The following SMG1 variants were observed in gnomAD, a reference collection of about 807,000 sequenced individuals.
SMG1 encodes the protein SMG1 nonsense mediated mRNA decay associated PI3K related kinase, also known as serine/threonine-protein kinase SMG1.
A neutral mutation model predicts 419.9 loss-of-function variants in SMG1; 22 were observed. That is an observed-to-expected ratio of 0.05 (90% confidence interval 0.04 to 0.07). The LOEUF is 0.07. Ranked by LOEUF, SMG1 falls within the 10% of genes least tolerant of loss-of-function variation. SMG1 has a pLI of 1.00. For missense variants in SMG1, 3,185 were observed against 4,342.0 expected, an observed-to-expected ratio of 0.73 and a Z score of 7.49; for synonymous variants, 1,538 against 1,553.5, an observed-to-expected ratio of 0.99 and a Z score of 0.23.
At chr16:18,855,001 G>C in intron 29 of SMG1, 97 bp from the exon 30 acceptor site, 2 of 939,692 alleles carry the variant, frequency 2.1e-6, no homozygotes, top group Non-Finnish European at 3.0e-6. Flanking sequence ...TCCCTCTTCT[G>C]CACCACCTCC....
chr16:18,827,360 A>G (rs2032763168), intron 55 of SMG1, among the ~76,000 whole-genome samples: 2 of 151,334 alleles, frequency 1.3e-5, no homozygotes, highest in African/African-American at 4.9e-5. Flanking sequence ...CGAGAGGCAG[A>G]GGTTGCAGTG....
intron 1 of SMG1, among the ~76,000 whole-genome samples, chr16:18,915,792 G>A (rs569601316): frequency 6.6e-6 from 1 of 152,204 alleles, no homozygotes; most frequent in African/African-American, 2.4e-5. Flanking sequence ...ATACAGGCCA[G>A]GCGTGGTGGC....
intron 3 of SMG1, among the ~76,000 whole-genome samples, chr16:18,894,183 G>T (rs2037012693): frequency 6.6e-6 from 1 of 152,044 alleles, no homozygotes; most frequent in Non-Finnish European, 1.5e-5. Context: ...TGGGTACCAG[G>T]CTTAATACCT....
At chr16:18,842,542 T>C (rs2033983271) in intron 39 of SMG1, 88 bp from the exon 40 acceptor site, 1 of 1,366,808 alleles carries the variant, frequency 7.3e-7, no homozygotes, top group Non-Finnish European at 1.0e-6. Flanking sequence ...AAGTAAATTT[T>C]AGGTCACGGC....
chr16:18,892,973 T>C (rs887827616), intron 3 of SMG1, among the ~76,000 whole-genome samples: 7 of 152,244 alleles, frequency 4.6e-5, no homozygotes, highest in Admixed American at 1.3e-4. Flanking sequence ...GTAACAACTT[T>C]CTTTGGGTCC....
chr16:18,914,244 T>C (rs2037890803), intron 1 of SMG1, among the ~76,000 whole-genome samples: 1 of 151,848 alleles, frequency 6.6e-6, no homozygotes, highest in African/African-American at 2.4e-5. Context: ...GGTTTTTAAA[T>C]AACCATAAAG....
intron 48 of SMG1, 26 bp downstream of exon 48, chr16:18,835,907 A>G (rs2033535752): frequency 6.5e-7 from 1 of 1,544,540 alleles, no homozygotes; most frequent in Admixed American, 2.0e-5. Flanking sequence ...TCAAAAATAA[A>G]AGAAAATTAA....
At chr16:18,850,821 G>A (rs1445815484) in intron 33 of SMG1, among the ~76,000 whole-genome samples, 1 of 151,992 alleles carries the variant, frequency 6.6e-6, no homozygotes, top group Non-Finnish European at 1.5e-5. Flanking sequence ...GCACAATCAT[G>A]GCTCACTGCA....
intron 13 of SMG1, 61 bp downstream of exon 13, chr16:18,876,063 A>G (rs1298961490): frequency 2.6e-6 from 4 of 1,540,022 alleles, no homozygotes; most frequent in Admixed American, 3.4e-5. Flanking sequence ...AAATACATAA[A>G]TATGTAATGA....
intron 50 of SMG1, among the ~76,000 whole-genome samples, chr16:18,833,619 T>C (rs12926397): frequency 0.095 from 14,452 of 152,168 alleles, 747 homozygotes; most frequent in Middle Eastern, 0.17. Context: ...ACTGCATGTT[T>C]AAAATATATA....
chr16:18,858,142 T>C (rs1413021819), intron 29 of SMG1, 28 bp downstream of exon 29: 4 of 1,525,106 alleles, frequency 2.6e-6, no homozygotes, highest in East Asian at 4.9e-5. Context: ...CCTTTAATTT[T>C]CTCTTACAAG....
intron 60 of SMG1, among the ~76,000 whole-genome samples, chr16:18,813,325 G>A (rs1363982254): frequency 1.3e-5 from 2 of 151,860 alleles, no homozygotes; most frequent in African/African-American, 4.8e-5. Context: ...ATCCTCTCCA[G>A]CACCTGTTGT....
rs1180042186 is a variant in SMG1 at position 18,821,217 on chromosome 16, GTTTCTTTT to G, written c.9742-1571_9742-1564del. Among the ~76,000 whole-genome samples, 71 of 31,740 alleles carry G rather than the reference GTTTCTTTT, an allele frequency of 2.2e-3. 3 individuals carry two copies. The highest frequency in any genetic ancestry group is 7.2e-3 in the African/African-American group (69 of 9,526). 20.8% of individuals were successfully genotyped at this position (31,740 alleles called of 152,430 possible). On this transcript the variant is annotated intron_variant, in intron 55 of 62. Coordinates refer to ENST00000446231, the MANE Select transcript of SMG1 (RefSeq NM_015092.5). The stretch of plus-strand genomic sequence containing the variant: ...ATTAAAAACCTGAGATATTTAGTAT[GTTTCTTTT>G]TTTTTTTTTTTTTTTCTTTTTTTTT...
chr16:18,865,249 T>C (rs1306779112), intron 23 of SMG1, among the ~76,000 whole-genome samples: 5 of 152,218 alleles, frequency 3.3e-5, no homozygotes, highest in Non-Finnish European at 7.3e-5. Flanking sequence ...CAACTTCTAC[T>C]ATTAGTCATT....
intron 1 of SMG1, among the ~76,000 whole-genome samples, chr16:18,904,179 C>T (rs2037464221): frequency 6.6e-6 from 1 of 150,616 alleles, no homozygotes. Flanking sequence ...TCTCGTGATC[C>T]ACCCACCTTG....
Position 18,834,402 on chromosome 16 carries a change from A to G in SMG1, c.8367T>C (p.Ala2789=). 3.7e-6 allele frequency: 6 copies of G among 1,613,940 alleles called. No homozygotes were observed. The highest frequency in any genetic ancestry group is 5.1e-6 in the Non-Finnish European group (6 of 1,179,866). The part of the protein sequence containing the change: ...NLMMEGAASS[A]GEQLVDLTSR... The stretch of plus-strand genomic sequence containing the variant: ...AAGTCAGATCAACCAGCTGTTCTCC[A>G]GCACTTGACGCTGCACCTTCCATCA... The change falls in exon 50 of 63, where the codon GCT becomes GCC. Residue 2789 remains alanine (A), a synonymous_variant. Transcript: ENST00000446231.
At chr16:18,910,850 T>G (rs995296384) in intron 1 of SMG1, among the ~76,000 whole-genome samples, 6 of 152,086 alleles carry the variant, frequency 3.9e-5, no homozygotes, top group African/African-American at 1.4e-4. Context: ...AATAAAAATA[T>G]GTATATACAC....
chr16:18,885,704 A>C (rs1320108712), intron 6 of SMG1, 38 bp from the exon 7 acceptor site: 2 of 1,591,328 alleles, frequency 1.3e-6, no homozygotes, highest in Non-Finnish European at 1.7e-6. Context: ...AACATTCAAC[A>C]AAATAGGGAG....
rs373388714 is a variant in SMG1 at position 18,896,917 on chromosome 16, A to G, written c.132T>C (p.Tyr44=). 1.3e-6 allele frequency: 2 copies of G among 1,594,574 alleles called. No homozygotes were observed. The highest frequency in any genetic ancestry group is 1.7e-6 in the Non-Finnish European group (2 of 1,169,544). Residue 44 remains tyrosine (Y), a synonymous_variant, in exon 2 of 63, where the codon TAT becomes TAC. Coordinates refer to ENST00000446231, the MANE Select transcript of SMG1 (RefSeq NM_015092.5). Reference sequence around the variant, plus strand: ...AACCACCTCTATCTCTGGATGAAGAATATTTTAAATTATCTGGGTCGGCTG... The same window carrying G: ...AACCACCTCTATCTCTGGATGAAGAGTATTTTAAATTATCTGGGTCGGCTG... The part of the protein sequence containing the change: ...SASADPDNLK[Y]SSSRDRGGSS...
Sources: allele counts gnomAD v4.1 joint callset (sites outside exome capture counted in the v4.1 genomes callset), GRCh38; gene constraint gnomAD v4.1.1; transcripts MANE v1.5; gene names NCBI Gene and HGNC (gene_info 2026-07-23, HGNC 2026-07-21).